The following GSE1 variants were observed in gnomAD, a reference collection of about 807,000 sequenced individuals.
The protein encoded by GSE1 is Gse1 coiled-coil protein.
GSE1 carries 32 observed loss-of-function variants against 112.6 expected under a neutral mutation model. The observed-to-expected ratio is 0.28, with a 90% CI of 0.21 to 0.38. The LOEUF (loss-of-function observed/expected upper bound fraction) is 0.38. Ranked by LOEUF, GSE1 falls within the 10% of genes least tolerant of loss-of-function variation. GSE1 has a pLI of 1.00. For synonymous variants in GSE1, 1,115 were observed against 735.6 expected (o/e 1.52, Z -8.35); for missense variants, 2,348 against 1,699.2 (o/e 1.38, Z -6.71).
intron 1 of GSE1, among the ~76,000 whole-genome samples, chr16:85,255,716 TTTTC>T (rs1259306412): frequency 4.9e-5 from 7 of 144,178 alleles, no homozygotes; most frequent in Non-Finnish European, 7.6e-5. Flanking sequence ...CAGTGCCTAC[TTTTC>T]TTTCTTTCTT....
Position 85,421,201 on chromosome 16 carries a change from C to G in GSE1, c.2464+63558C>G, listed in dbSNP as rs561262491. ...GGGCAGTTCGGAGTGCAAGCAGGCA[C>G]CCTCCTGTCTCCTGGACGGGGACCC... On this transcript the variant is annotated intron_variant, in intron 2 of 2. Transcript: ENST00000637419. Among the ~76,000 whole-genome samples, 12 of 152,236 alleles carry G rather than the reference C, an allele frequency of 7.9e-5. 1 individual carries two copies. The East Asian group carries it at 2.3e-3, about 29-fold the overall frequency.
In GSE1 at chr16:85,654,843, G is replaced by T; in HGVS notation, c.649G>T (p.Asp217Tyr). 1.2e-6 allele frequency: 2 copies of T among 1,612,044 alleles called. No homozygotes were observed. The highest frequency in any genetic ancestry group is 1.7e-6 in the Non-Finnish European group (2 of 1,179,656). Residue 217 changes from aspartate to tyrosine, a missense_variant, in exon 5 of 16, where the codon GAC becomes TAC. Asp to Tyr is a radical substitution (Grantham distance 160). Transcript: ENST00000253458. ...HVVPPSTVTEDYLRSFRPYHT... is the reference protein window; with the variant it reads ...HVVPPSTVTEYYLRSFRPYHT... ...GGTGCCCCCCAGTACCGTGACCGAG[G>T]ACTACCTGAGAAGCTTCCGGCCCTA...
chr16:85,233,093 C>T (rs1282913462), intron 1 of GSE1, among the ~76,000 whole-genome samples: 2 of 152,244 alleles, frequency 1.3e-5, no homozygotes, highest in African/African-American at 4.8e-5. Flanking sequence ...AACAGGCCCC[C>T]CAGCTGGGCC....
chr16:85,641,135 C>T (rs1404041155), intron 2 of GSE1, among the ~76,000 whole-genome samples: 1 of 152,242 alleles, frequency 6.6e-6, no homozygotes, highest in Admixed American at 6.5e-5. Context: ...CCGGTTTTCC[C>T]TGATGCACCC....
chr16:85,567,160 C>T (rs562957501), intron 1 of GSE1, among the ~76,000 whole-genome samples: 1 of 151,978 alleles, frequency 6.6e-6, no homozygotes, highest in South Asian at 2.1e-4. Context: ...CACAGGGTGC[C>T]GGCCTGTCGG....
chr16:85,259,069 G>T (rs1907389412), intron 1 of GSE1, among the ~76,000 whole-genome samples: 1 of 152,192 alleles, frequency 6.6e-6, no homozygotes, highest in South Asian at 2.1e-4. Flanking sequence ...AGAGGAGGGG[G>T]CCTTGACCTC....
intron 2 of GSE1, among the ~76,000 whole-genome samples, chr16:85,411,118 G>T (rs36156932): frequency 1.1e-5 from 1 of 90,356 alleles, no homozygotes; most frequent in East Asian, 2.8e-4. Flanking sequence ...CAGGCCCCCC[G>T]GATAATCCTC....
intron 2 of GSE1, among the ~76,000 whole-genome samples, chr16:85,508,429 G>T (rs73267224): frequency 0.056 from 8,495 of 152,250 alleles, 663 homozygotes; most frequent in African/African-American, 0.17. Context: ...CACCAGGGGC[G>T]AGAGGTGAGT....
intron 8 of GSE1, among the ~76,000 whole-genome samples, chr16:85,658,487 G>A (rs2052161992): frequency 6.6e-6 from 1 of 152,148 alleles, no homozygotes; most frequent in Non-Finnish European, 1.5e-5. Flanking sequence ...GAAACCCTTG[G>A]GCTCTGGGAC....
At chr16:85,483,009 C>G (rs141162338) in intron 2 of GSE1, among the ~76,000 whole-genome samples, 2 of 147,894 alleles carry the variant, frequency 1.4e-5, no homozygotes, top group South Asian at 4.1e-4. Context: ...ACCAAACTCT[C>G]TGTGTAGCAG....
chr16:85,497,854 T>C (rs1168345270), intron 2 of GSE1, among the ~76,000 whole-genome samples: 2 of 152,152 alleles, frequency 1.3e-5, no homozygotes, highest in African/African-American at 4.8e-5. Context: ...GCAACTCTGT[T>C]AGTCCCCACA....
At chr16:85,381,846 C>G (rs2047552284) in intron 2 of GSE1, among the ~76,000 whole-genome samples, 2 of 152,352 alleles carry the variant, frequency 1.3e-5, no homozygotes, top group African/African-American at 4.8e-5. Context: ...CACTGCAAAG[C>G]AAGCTAGAGG....
At chr16:85,305,830 T>C (rs2045663208) in intron 1 of GSE1, among the ~76,000 whole-genome samples, 1 of 152,146 alleles carries the variant, frequency 6.6e-6, no homozygotes, top group South Asian at 2.1e-4. Flanking sequence ...TGTCTCACAC[T>C]TGTAGTCCCA....
intron 1 of GSE1, among the ~76,000 whole-genome samples, chr16:85,344,088 C>T (rs563605934): frequency 6.6e-6 from 1 of 152,314 alleles, no homozygotes; most frequent in East Asian, 1.9e-4. Context: ...CCTGGGAGTG[C>T]TGTTCCCAGG....
chr16:85,491,350 C>T (rs897045603), intron 2 of GSE1, among the ~76,000 whole-genome samples: 1 of 152,176 alleles, frequency 6.6e-6, no homozygotes, highest in Non-Finnish European at 1.5e-5. Flanking sequence ...AGTCCCTGCC[C>T]TTGGAGACAG....
intron 1 of GSE1, among the ~76,000 whole-genome samples, chr16:85,336,088 G>A (rs1351877548): frequency 2.0e-5 from 3 of 152,124 alleles, no homozygotes; most frequent in Non-Finnish European, 2.9e-5. Flanking sequence ...CCCCTGCCCC[G>A]GGTTCAGGCC....
At chr16:85,295,082 C>T (rs144661707) in intron 1 of GSE1, among the ~76,000 whole-genome samples, 224 of 152,116 alleles carry the variant, frequency 1.5e-3, no homozygotes, top group African/African-American at 5.0e-3. Flanking sequence ...CTCCTAATAC[C>T]ATCACCTCGA....
At chr16:85,421,262 G>C (rs913675317) in intron 2 of GSE1, among the ~76,000 whole-genome samples, 2 of 113,446 alleles carry the variant, frequency 1.8e-5, no homozygotes, top group Non-Finnish European at 4.6e-5. Flanking sequence ...GGGGTCCCTG[G>C]GGGGGTCTCT....
intron 1 of GSE1, among the ~76,000 whole-genome samples, chr16:85,231,266 G>T (rs567961062): frequency 6.6e-6 from 1 of 151,274 alleles, no homozygotes; most frequent in Non-Finnish European, 1.5e-5. Context: ...TGGATGGATG[G>T]ACAGATGAAT....
Sources: gnomAD v4.1 joint callset for allele counts (sites outside exome capture counted in the v4.1 genomes callset) on GRCh38, gnomAD v4.1.1 for gene constraint, MANE v1.5 for transcripts, NCBI Gene and HGNC (gene_info 2026-07-23, HGNC 2026-07-21) for gene names.